CREBL2: variants seen among roughly 807,000 people sequenced by gnomAD.
CREBL2 encodes the protein cAMP responsive element binding protein like 2.
Under a neutral mutation model 19.5 loss-of-function variants are expected in CREBL2, and 4 were observed. That is an observed-to-expected ratio of 0.20 (90% CI 0.10 to 0.47). CREBL2 has a LOEUF of 0.47. Among genes scored for constraint, CREBL2 ranks in the 20% least tolerant of loss-of-function variants. The pLI, the probability that CREBL2 is intolerant of heterozygous loss-of-function variation, is 0.98. For missense variants in CREBL2, 85 were observed against 145.1 expected (o/e 0.59, Z 2.13); for synonymous variants, 42 against 46.6 (o/e 0.90, Z 0.40).
At chr12:12,626,313 C>A (rs1945401266) in intron 1 of CREBL2, among the ~76,000 whole-genome samples, 1 of 152,206 alleles carries the variant, frequency 6.6e-6, no homozygotes, top group Admixed American at 6.5e-5. Context: ...AGACTGATTT[C>A]TGTTTTGTCT....
rs1300246654 is a variant in CREBL2, at chr12:12,645,019, A to G, written c.*3021A>G. On this transcript the variant is annotated 3_prime_UTR_variant, in exon 4 of 4. Coordinates refer to ENST00000228865, the MANE Select transcript of CREBL2 (RefSeq NM_001310.4). ...TCATCTGTAAAAAAGGGGGGAGGAT[A>G]ACTTTCACAGGGTAATTGGTAGGCT... 3.3e-5 allele frequency: 5 copies of G among 152,226 alleles called. No homozygotes were observed. The East Asian group carries it at 9.6e-4, about 29-fold the overall frequency. The allele number at this position is 152,226 out of a possible 1,614,324, so 9.4% of individuals were successfully genotyped here. A position where few individuals can be genotyped will look rare whatever the true frequency, so the allele number is the denominator to read the frequency against.
intron 1 of CREBL2, chr12:12,614,453 TCTTA>T (rs1945292889): frequency 6.5e-6 from 1 of 153,000 alleles, no homozygotes. Context: ...CAGGTACCTT[TCTTA>T]TTTAGTTTCC....
At chr12:12,636,096 C>A in intron 2 of CREBL2, 122 bp downstream of exon 2, 1 of 969,274 alleles carries the variant, frequency 1.0e-6, no homozygotes, top group Non-Finnish European at 1.5e-6. Context: ...GAATATTAAT[C>A]TGTTAGCCAG....
At chr12:12,641,915 A>T in intron 3 of CREBL2, 79 bp from the exon 4 acceptor site, 1 of 960,502 alleles carries the variant, frequency 1.0e-6, no homozygotes. Context: ...GAAAAAAAAA[A>T]TTTATGCATC....
In CREBL2 at chr12:12,612,070, A is replaced by G. The variant is rs1945271041; in HGVS notation, c.-103A>G. The G allele has an allele frequency of 7.0e-7, 1 of 1,432,770 alleles. No individual in the cohort carries two copies. The allele number at this position is 1,432,770 out of a possible 1,614,324, so 88.8% of individuals were successfully genotyped here. ...TTAGGCGAGAGGAGGAGGCAGCCAG[A>G]ACCATATCCCCTTCTTCCTCGGGGC... is the stretch of plus-strand genomic sequence containing the variant. On this transcript the variant is annotated 5_prime_UTR_variant, in exon 1 of 4. Coordinates refer to ENST00000228865, the MANE Select transcript of CREBL2 (RefSeq NM_001310.4).
intron 1 of CREBL2, chr12:12,632,417 T>G (rs1945448843): frequency 6.6e-6 from 1 of 152,208 alleles, no homozygotes; most frequent in Non-Finnish European, 1.5e-5. Context: ...ACAGTTCCAA[T>G]TAAAATATTT....
intron 3 of CREBL2, among the ~76,000 whole-genome samples, chr12:12,640,740 T>C (rs1245507056): frequency 6.6e-6 from 1 of 152,252 alleles, no homozygotes; most frequent in African/African-American, 2.4e-5. Flanking sequence ...TCAGGGTCCC[T>C]GAGTTTCCGC....
At chr12:12,639,969 GAA>G (rs2136307786) in intron 3 of CREBL2, among the ~76,000 whole-genome samples, 1 of 152,226 alleles carries the variant, frequency 6.6e-6, no homozygotes. Context: ...GCTTTTGAGG[GAA>G]CAGGACAAGG....
At chr12:12,625,534 G>GA (rs1945395380) in intron 1 of CREBL2, among the ~76,000 whole-genome samples, 1 of 152,170 alleles carries the variant, frequency 6.6e-6, no homozygotes, top group Non-Finnish European at 1.5e-5. Flanking sequence ...GCTTTTTCAG[G>GA]AAATTATATG....
intron 1 of CREBL2, among the ~76,000 whole-genome samples, chr12:12,616,393 T>A (rs1225773579): frequency 1.3e-5 from 2 of 152,346 alleles, no homozygotes; most frequent in East Asian, 3.9e-4. Context: ...GATACACAGG[T>A]AAGCACAGTG....
At chr12:12,636,724 T>C (rs991885919) in intron 2 of CREBL2, among the ~76,000 whole-genome samples, 1 of 152,218 alleles carries the variant, frequency 6.6e-6, no homozygotes, top group African/African-American at 2.4e-5. Context: ...CCCAGCCAAG[T>C]GATTTTGTTT....
intron 3 of CREBL2, 115 bp downstream of exon 3, chr12:12,637,829 C>A: frequency 5.1e-6 from 6 of 1,179,828 alleles, no homozygotes; most frequent in South Asian, 4.5e-5. Flanking sequence ...TCGCTTGAGC[C>A]CAGGAGTTCA....
chr12:12,640,239 A>T (rs902850557), intron 3 of CREBL2, among the ~76,000 whole-genome samples: 1 of 152,154 alleles, frequency 6.6e-6, no homozygotes, highest in Non-Finnish European at 1.5e-5. Context: ...ACTGCACAAG[A>T]CAGACATTTC....
At chr12:12,614,655 C>T (rs1945295390) in intron 1 of CREBL2, 8 of 290,936 alleles carry the variant, frequency 2.7e-5, no homozygotes, top group South Asian at 2.6e-4. Flanking sequence ...AGATGAGGGT[C>T]TCACTGGCTT....
At chr12:12,614,591 C>G (rs528511084) in intron 1 of CREBL2, 1 of 235,652 alleles carries the variant, frequency 4.2e-6, no homozygotes, top group East Asian at 1.3e-4. Flanking sequence ...CCTCAGCCTC[C>G]CAAGTGGCTG....
chr12:12,615,315 G>T (rs111729355), intron 1 of CREBL2: 2 of 151,326 alleles, frequency 1.3e-5, no homozygotes, highest in African/African-American at 4.9e-5. Context: ...GCCTCCCAGA[G>T]TGCTGAGATT....
chr12:12,635,980 A>G lies in CREBL2; in HGVS notation c.213+6A>G. On this transcript the variant is annotated splice_donor_region_variant and intron_variant, in intron 2 of 3. Transcript: ENST00000228865. The stretch of plus-strand genomic sequence containing the variant: ...TCAGAGAGGAACTGGAAATGGTAAG[A>G]AATCGTCAGTAAACACATGAAAAAA... 6.2e-7 allele frequency: 1 copy of G among 1,610,402 alleles called. No homozygotes were observed. The highest frequency in any genetic ancestry group is 1.7e-5 in the Admixed American group (1 of 59,624).
At chr12:12,633,545 G>T (rs555544518) in intron 1 of CREBL2, among the ~76,000 whole-genome samples, 1 of 152,326 alleles carries the variant, frequency 6.6e-6, no homozygotes, top group South Asian at 2.1e-4. Context: ...GAAGAACCTG[G>T]CTTTAAGACG....
intron 1 of CREBL2, among the ~76,000 whole-genome samples, chr12:12,635,246 A>G (rs139751422): frequency 1.3e-5 from 2 of 152,094 alleles, no homozygotes; most frequent in African/African-American, 4.8e-5. Context: ...GCTCATGCCT[A>G]TAGTTACAGC....
Sources: allele counts gnomAD v4.1 joint callset (sites outside exome capture counted in the v4.1 genomes callset), GRCh38; gene constraint gnomAD v4.1.1; transcripts MANE v1.5; gene names NCBI Gene and HGNC (gene_info 2026-07-23, HGNC 2026-07-21).